CEP112: variants seen among roughly 807,000 people sequenced by gnomAD.
CEP112 encodes the protein centrosomal protein of 112 kDa.
CEP112 carries 127 observed loss-of-function variants against 153.0 expected under a neutral mutation model. That is an observed-to-expected ratio of 0.83 (90% CI 0.72 to 0.96). The LOEUF (loss-of-function observed/expected upper bound fraction) is 0.96. Among genes scored for constraint, CEP112 ranks in the 40% least tolerant of loss-of-function variants. The pLI, the probability that CEP112 is intolerant of heterozygous loss-of-function variation, is 0.00. For missense variants in CEP112, 1,089 were observed against 1,101.2 expected, an observed-to-expected ratio of 0.99 and a Z score of 0.16; for synonymous variants, 358 against 374.4, an observed-to-expected ratio of 0.96 and a Z score of 0.51.
chr17:65,803,923 ACTATTCAATATATC>A (rs1189317510), intron 21 of CEP112, among the ~76,000 whole-genome samples: 1 of 152,224 alleles, frequency 6.6e-6, no homozygotes, highest in Non-Finnish European at 1.5e-5. Context: ...ATAATGATGG[ACTATTCAATATATC>A]CTAGATGTAG....
chr17:65,770,622 G>C (rs561954082), intron 21 of CEP112, among the ~76,000 whole-genome samples: 2 of 152,098 alleles, frequency 1.3e-5, no homozygotes, highest in South Asian at 4.1e-4. Flanking sequence ...TTCTTTAAAA[G>C]ACAATTGAAT....
At chr17:66,026,610 T>A (rs2065221953) in intron 16 of CEP112, among the ~76,000 whole-genome samples, 1 of 152,162 alleles carries the variant, frequency 6.6e-6, no homozygotes, top group Non-Finnish European at 1.5e-5. Context: ...AATACAGTTG[T>A]CCCCCAGCAT....
chr17:65,704,414 G>A (rs554722342), intron 23 of CEP112, among the ~76,000 whole-genome samples: 3 of 122,766 alleles, frequency 2.4e-5, no homozygotes, highest in Non-Finnish European at 3.2e-5. Context: ...TGTAAAACGT[G>A]TAAAATACAC....
chr17:65,821,496 T>TTATATATATATATATAATTATATATA lies in CEP112; in HGVS notation c.2394+30282_2394+30307dup, dbSNP rs1568066546. On this transcript the variant is annotated intron_variant, in intron 21 of 26. Transcript: ENST00000535342. ...CAAATTATTAAACTTATATATATAA[T>TTATATATATATATATAATTATATATA]TATATATATATATATAATTATATAT... Among the ~76,000 whole-genome samples the TTATATATATATATATAATTATATATA allele has an allele frequency of 4.9e-5, 6 of 121,422 alleles. No individual in the cohort carries two copies. In the Admixed American group the frequency reaches 5.5e-4, roughly 11 times the overall value. The allele number at this position is 121,422 out of a possible 152,430, so 79.7% of individuals were successfully genotyped here.
intron 21 of CEP112, among the ~76,000 whole-genome samples, chr17:65,835,974 G>A (rs1230278078): frequency 6.6e-6 from 1 of 152,198 alleles, no homozygotes; most frequent in Non-Finnish European, 1.5e-5. Flanking sequence ...AAAATGTGGT[G>A]AAGGGGATGC....
chr17:65,770,928 TAAA>T (rs34049976), intron 21 of CEP112, among the ~76,000 whole-genome samples: 3 of 124,294 alleles, frequency 2.4e-5, no homozygotes, highest in Admixed American at 8.0e-5. Context: ...GACTCCGTCT[TAAA>T]AAAAAAAAAA....
intron 18 of CEP112, among the ~76,000 whole-genome samples, chr17:65,931,697 T>G (rs2144261443): frequency 6.6e-6 from 1 of 152,330 alleles, no homozygotes; most frequent in African/African-American, 2.4e-5. Context: ...CTCAAGTCCC[T>G]AGCCAGATTT....
At chr17:65,953,846 C>T (rs1188847084) in intron 18 of CEP112, among the ~76,000 whole-genome samples, 1 of 152,154 alleles carries the variant, frequency 6.6e-6, no homozygotes, top group African/African-American at 2.4e-5. Context: ...CTATTGCTGC[C>T]CCCACCTAGT....
intron 25 of CEP112, among the ~76,000 whole-genome samples, chr17:65,638,897 CT>C (rs11429563): frequency 2.6e-5 from 4 of 151,126 alleles, no homozygotes; most frequent in Admixed American, 6.6e-5. Flanking sequence ...TATCAGATTC[CT>C]TTTTTTTTCC....
intron 21 of CEP112, among the ~76,000 whole-genome samples, chr17:65,846,434 A>T (rs1003879867): frequency 6.6e-6 from 1 of 152,260 alleles, no homozygotes; most frequent in Non-Finnish European, 1.5e-5. Context: ...GAATACAAAG[A>T]TGTATCATAT....
At chr17:65,654,976 T>C (rs1001397758) in intron 24 of CEP112, 1 of 687,464 alleles carries the variant, frequency 1.5e-6, no homozygotes. Flanking sequence ...CAATAGTGAT[T>C]GGCAAAGGGA....
intron 23 of CEP112, among the ~76,000 whole-genome samples, chr17:65,718,830 G>T (rs2049702799): frequency 6.6e-6 from 1 of 152,212 alleles, no homozygotes; most frequent in Non-Finnish European, 1.5e-5. Flanking sequence ...GGTTAAGCCT[G>T]TAAGTGTGAT....
intron 20 of CEP112, among the ~76,000 whole-genome samples, chr17:65,866,231 T>G (rs1172136639): frequency 6.6e-6 from 1 of 152,164 alleles, no homozygotes; most frequent in Non-Finnish European, 1.5e-5. Flanking sequence ...GGAGCAAGGT[T>G]GGGGCCGAGC....
At chr17:65,963,085 G>C (rs2062272930) in intron 17 of CEP112, among the ~76,000 whole-genome samples, 1 of 152,132 alleles carries the variant, frequency 6.6e-6, no homozygotes, top group Non-Finnish European at 1.5e-5. Flanking sequence ...GTAACAACAG[G>C]TCAAGCCAGG....
intron 6 of CEP112, among the ~76,000 whole-genome samples, chr17:66,121,963 C>T (rs944481328): frequency 9.9e-5 from 15 of 152,000 alleles, no homozygotes; most frequent in African/African-American, 2.7e-4. Context: ...GGTGCGATCT[C>T]GGCTCTCTGC....
intron 23 of CEP112, among the ~76,000 whole-genome samples, chr17:65,720,130 T>C (rs2049782097): frequency 6.6e-6 from 1 of 152,184 alleles, no homozygotes; most frequent in Non-Finnish European, 1.5e-5. Context: ...GACACTGACA[T>C]GAACCGCATT....
chr17:66,081,291 A>T (rs2067706834), intron 8 of CEP112, among the ~76,000 whole-genome samples: 1 of 152,236 alleles, frequency 6.6e-6, no homozygotes, highest in Admixed American at 6.5e-5. Flanking sequence ...TGCTAAAATC[A>T]ATATTAAAAC....
intron 23 of CEP112, among the ~76,000 whole-genome samples, chr17:65,723,557 G>A (rs1041991813): frequency 4.6e-5 from 7 of 152,256 alleles, no homozygotes; most frequent in East Asian, 3.9e-4. Flanking sequence ...CATCACTTGC[G>A]AATTTGGAAT....
intron 4 of CEP112, among the ~76,000 whole-genome samples, chr17:66,157,198 G>A (rs1421397323): frequency 6.6e-6 from 1 of 152,180 alleles, no homozygotes; most frequent in Non-Finnish European, 1.5e-5. Flanking sequence ...AACCCTACAA[G>A]CCAGAAGAGA....
Sources: allele counts gnomAD v4.1 joint callset (sites outside exome capture counted in the v4.1 genomes callset), GRCh38; gene constraint gnomAD v4.1.1; transcripts MANE v1.5; gene names NCBI Gene and HGNC (gene_info 2026-07-23, HGNC 2026-07-21).